Variants in STK33 observed in about 807,000 individuals in gnomAD.
The protein encoded by STK33 is serine/threonine-protein kinase 33.
STK33 carries 52 observed loss-of-function variants against 58.0 expected under a neutral mutation model. The observed-to-expected ratio is 0.90, with a 90% CI of 0.72 to 1.13. STK33 has a LOEUF of 1.13. Ranked by LOEUF, STK33 falls within the 50% of genes most tolerant of loss-of-function variation. STK33 has a pLI of 0.00. For synonymous variants in STK33, 215 were observed against 200.1 expected (o/e 1.07, Z -0.63); for missense variants, 630 against 604.2 (o/e 1.04, Z -0.45).
chr11:8,380,559 T>C, the STK33 span, among the ~76,000 whole-genome samples: 1 of 114,976 alleles, frequency 8.7e-6, no homozygotes, highest in Non-Finnish European at 1.8e-5. Flanking sequence ...AAACTCCTTC[T>C]CAAAAAAAAA....
chr11:8,383,605 T>C, the STK33 span, among the ~76,000 whole-genome samples: 1 of 152,232 alleles, frequency 6.6e-6, no homozygotes, highest in African/African-American at 2.4e-5. Flanking sequence ...GGCTATGGAA[T>C]TATGATTTAG....
intron 1 of STK33, among the ~76,000 whole-genome samples, chr11:8,562,321 T>C (rs1397680000): frequency 6.6e-6 from 1 of 152,140 alleles, no homozygotes; most frequent in African/African-American, 2.4e-5. Context: ...AAAGATACTG[T>C]CCTCTTGTCT....
intron 1 of STK33, among the ~76,000 whole-genome samples, chr11:8,555,523 G>A (rs182251897): frequency 2.6e-5 from 4 of 151,980 alleles, no homozygotes; most frequent in African/African-American, 9.7e-5. Flanking sequence ...AAAGTAGCTG[G>A]GTGTGGTGGT....
chr11:8,527,909 TA>T, intron 1 of STK33, among the ~76,000 whole-genome samples: 1 of 152,348 alleles, frequency 6.6e-6, no homozygotes, highest in East Asian at 1.9e-4. Flanking sequence ...ATTATCTAAT[TA>T]AATATTTGAA....
At position 8,514,919 on chromosome 11, in the gene STK33, A is replaced by G. The variant is rs181866545; in HGVS notation, c.-465-34305T>C. Among the ~76,000 whole-genome samples the G allele has an allele frequency of 5.0e-4, 76 of 152,336 alleles. No homozygotes were observed. In the East Asian group the frequency reaches 0.014, roughly 28 times the overall value. On this transcript the variant is annotated intron_variant, in intron 1 of 15. Coordinates refer to ENST00000687296, the MANE Select transcript of STK33 (RefSeq NM_001352389.2). ...CAGATAGAGACTCTAACTATCAAAG[A>G]AATACAGACAAGAAAATTATAATAA...
chr11:8,351,252 C>T, the STK33 span, among the ~76,000 whole-genome samples: 1 of 152,180 alleles, frequency 6.6e-6, no homozygotes. Flanking sequence ...TCTGGCCTTA[C>T]CCAAAAACCC....
chr11:8,452,291 G>A (rs1565030756), intron 11 of STK33, among the ~76,000 whole-genome samples: 1 of 152,144 alleles, frequency 6.6e-6, no homozygotes. Context: ...GATTACCTAA[G>A]AGATATAAAC....
intron 1 of STK33, among the ~76,000 whole-genome samples, chr11:8,496,103 A>G (rs547170712): frequency 1.3e-5 from 2 of 152,006 alleles, no homozygotes; most frequent in Non-Finnish European, 2.9e-5. Flanking sequence ...ATAATAAAAA[A>G]TTTTTTTTGA....
intron 1 of STK33, among the ~76,000 whole-genome samples, chr11:8,520,951 G>T (rs991711819): frequency 2.0e-5 from 3 of 151,344 alleles, no homozygotes; most frequent in Non-Finnish European, 2.9e-5. Flanking sequence ...TAAATGAAAT[G>T]ATTTCTAATG....
intron 11 of STK33, among the ~76,000 whole-genome samples, chr11:8,444,794 T>C (rs1445310790): frequency 6.6e-6 from 1 of 152,036 alleles, no homozygotes; most frequent in African/African-American, 2.4e-5. Context: ...AGAAACTTTA[T>C]CCCCAAAAAA....
At chr11:8,468,058 G>C (rs1948397476) in intron 6 of STK33, among the ~76,000 whole-genome samples, 1 of 152,112 alleles carries the variant, frequency 6.6e-6, no homozygotes, top group South Asian at 2.1e-4. Context: ...ACATACCCGA[G>C]ACTGGGCAAT....
At chr11:8,401,148 C>G (rs1294762985) in intron 15 of STK33, among the ~76,000 whole-genome samples, 1 of 152,152 alleles carries the variant, frequency 6.6e-6, no homozygotes, top group African/African-American at 2.4e-5. Context: ...CAAAAAAGAG[C>G]CCACATTGCC....
At chr11:8,385,147 A>T in the STK33 span, among the ~76,000 whole-genome samples, 1 of 152,200 alleles carries the variant, frequency 6.6e-6, no homozygotes, top group Non-Finnish European at 1.5e-5. Context: ...TTTCCAAAAC[A>T]TATTTCATAT....
chr11:8,575,785 G>C (rs541283519), intron 1 of STK33, among the ~76,000 whole-genome samples: 2 of 152,000 alleles, frequency 1.3e-5, no homozygotes, highest in African/African-American at 4.8e-5. Flanking sequence ...GACCAAGTAG[G>C]GTTCATCCTA....
At chr11:8,457,099 T>C (rs191542380) in intron 9 of STK33, among the ~76,000 whole-genome samples, 1 of 152,350 alleles carries the variant, frequency 6.6e-6, no homozygotes, top group East Asian at 1.9e-4. Context: ...CTTTTGATTT[T>C]ATAACATTAG....
At chr11:8,431,359 T>C (rs1282734265) in intron 14 of STK33, among the ~76,000 whole-genome samples, 1 of 152,060 alleles carries the variant, frequency 6.6e-6, no homozygotes, top group Non-Finnish European at 1.5e-5. Flanking sequence ...TCCTCTTATA[T>C]AGAGTATATA....
At chr11:8,361,830 GGCACCCACCCCAC>G in the STK33 span, among the ~76,000 whole-genome samples, 1 of 152,186 alleles carries the variant, frequency 6.6e-6, no homozygotes, top group Non-Finnish European at 1.5e-5. This position sits in a 1 kb window ranked among gnomAD's most constrained non-coding sequence, Gnocchi z 4.8. Context: ...GCAGCGAGTG[GGCACCCACCCCAC>G]CACTGCTGGA....
At chr11:8,430,451 T>C (rs920430941) in intron 14 of STK33, among the ~76,000 whole-genome samples, 1 of 152,082 alleles carries the variant, frequency 6.6e-6, no homozygotes, top group African/African-American at 2.4e-5. Flanking sequence ...AAGAATTGTC[T>C]TAGGCCACAC....
At chr11:8,358,955 C>G in the STK33 span, among the ~76,000 whole-genome samples, 8 of 152,318 alleles carry the variant, frequency 5.3e-5, no homozygotes, top group Admixed American at 3.3e-4. Flanking sequence ...AGTCAAAACC[C>G]TGTGCCTCCC....
Sources: allele counts gnomAD v4.1 joint callset (sites outside exome capture counted in the v4.1 genomes callset), GRCh38; gene constraint gnomAD v4.1.1; non-coding constraint Gnocchi (gnomAD v3.1); transcripts MANE v1.5; gene names NCBI Gene and HGNC (gene_info 2026-07-23, HGNC 2026-07-21).